The following TENT5D variants were observed in gnomAD, a reference collection of about 807,000 sequenced individuals.
TENT5D encodes terminal nucleotidyltransferase 5D.
For synonymous variants in TENT5D, 103 were observed against 100.6 expected (o/e 1.02, Z -0.15); for missense variants, 191 against 287.0 (o/e 0.67, Z 2.42).
At chrX:80,360,960 T>C (rs1481900209) in intron 3 of TENT5D, among the ~76,000 whole-genome samples, 1 of 111,762 alleles carries the variant, frequency 8.9e-6, no homozygotes, top group Non-Finnish European at 1.9e-5. Flanking sequence ...AGAAGCAAAT[T>C]GAGGTTCATA....
At chrX:80,399,325 A>G (rs1297954617) in intron 3 of TENT5D, among the ~76,000 whole-genome samples, 1 of 112,125 alleles carries the variant, frequency 8.9e-6, no homozygotes, top group East Asian at 2.8e-4. Flanking sequence ...ATTCTTTTGC[A>G]TGTGGATATT....
intron 3 of TENT5D, among the ~76,000 whole-genome samples, chrX:80,357,538 T>G (rs1210473551): frequency 2.7e-5 from 3 of 111,319 alleles, no homozygotes; most frequent in Non-Finnish European, 5.7e-5. Context: ...TTTCATGTGT[T>G]TTTTGGCCGC....
At chrX:80,430,145 A>T (rs1932060480) in intron 1 of TENT5D, among the ~76,000 whole-genome samples, 1 of 111,686 alleles carries the variant, frequency 9.0e-6, no homozygotes, top group Non-Finnish European at 1.9e-5. Context: ...GAGTAAAAAA[A>T]CATTTCCCCA....
At chrX:80,365,446 T>A (rs1930488014) in intron 3 of TENT5D, among the ~76,000 whole-genome samples, 1 of 111,496 alleles carries the variant, frequency 9.0e-6, no homozygotes, top group Admixed American at 9.6e-5. Context: ...TTTCATGGCT[T>A]GGTGTTTACT....
At chrX:80,416,992 G>A (rs187001037), upstream of TENT5D, among the ~76,000 whole-genome samples, 62 of 111,432 alleles carry the variant, frequency 5.6e-4, no homozygotes, top group Non-Finnish European at 1.1e-3. Flanking sequence ...CCTGTGTTGG[G>A]TGCATATATC....
At chrX:80,393,106 C>T (rs1931168466) in intron 3 of TENT5D, among the ~76,000 whole-genome samples, 1 of 109,360 alleles carries the variant, frequency 9.1e-6, no homozygotes, top group Non-Finnish European at 1.9e-5. Context: ...TATTTGACAA[C>T]CAACTTGTTG....
chrX:80,436,446 G>T (rs1932183419), intron 1 of TENT5D, among the ~76,000 whole-genome samples: 1 of 110,074 alleles, frequency 9.1e-6, no homozygotes, highest in African/African-American at 3.3e-5. Flanking sequence ...GGACGTGCAG[G>T]TTTGTTACAT....
chrX:80,338,065 C>T (rs1248302050), intron 2 of TENT5D, among the ~76,000 whole-genome samples: 1 of 112,322 alleles, frequency 8.9e-6, no homozygotes, highest in Non-Finnish European at 1.9e-5. Context: ...TCCTCTTTCA[C>T]TGTAGGCACA....
intron 3 of TENT5D, among the ~76,000 whole-genome samples, chrX:80,407,090 C>A (rs1452042890): frequency 2.2e-4 from 24 of 108,919 alleles, no homozygotes. Context: ...TAAAAGAGCT[C>A]TTGAAGGAAG....
intron 1 of TENT5D, among the ~76,000 whole-genome samples, chrX:80,437,633 A>G (rs2147570113): frequency 9.0e-6 from 1 of 111,385 alleles, no homozygotes; most frequent in South Asian, 3.8e-4. Flanking sequence ...TAAAGGGATA[A>G]TGGTTGATTA....
chrX:80,392,512 T>A (rs1931153119), intron 3 of TENT5D, among the ~76,000 whole-genome samples: 1 of 63,684 alleles, frequency 1.6e-5, no homozygotes. Flanking sequence ...TTTTTTTTTT[T>A]TTTTTTTTTT....
chrX:80,442,998 T>C, exon 3 of TENT5D: 2 of 1,211,276 alleles, frequency 1.7e-6, no homozygotes, highest in Non-Finnish European at 2.2e-6. Context: ...CAAATAACAC[T>C]GGGAAGAATT....
At chrX:80,373,027 A>G (rs1480014250) in intron 3 of TENT5D, among the ~76,000 whole-genome samples, 1 of 109,800 alleles carries the variant, frequency 9.1e-6, no homozygotes, top group Non-Finnish European at 1.9e-5. Context: ...TAATCAATAC[A>G]ATTTGTCTGC....
chrX:80,407,667 C>A (rs1931532848), intron 3 of TENT5D, among the ~76,000 whole-genome samples: 1 of 107,998 alleles, frequency 9.3e-6, no homozygotes, highest in Non-Finnish European at 1.9e-5. Context: ...CTTTAACACC[C>A]CACTGTCAAC....
chrX:80,377,141 G>A (rs958912334), intron 3 of TENT5D, among the ~76,000 whole-genome samples: 2 of 111,683 alleles, frequency 1.8e-5, no homozygotes, highest in Admixed American at 1.9e-4. Context: ...AATTGGCAAT[G>A]ATTTTAATTC....
chrX:80,375,643 C>T lies in TENT5D; in HGVS notation c.-142+33079C>T, dbSNP rs866578261. Reference sequence around the variant, plus strand: ...TTATTTTCTACCTCCTTTGTGTACTCATTTCTGGACAAGAAACTTCTCCAT... The same window carrying T: ...TTATTTTCTACCTCCTTTGTGTACTTATTTCTGGACAAGAAACTTCTCCAT... On this transcript the variant is annotated intron_variant, in intron 3 of 4. Coordinates refer to the TENT5D transcript ENST00000538312. Among the ~76,000 whole-genome samples, 7 of 111,364 alleles carry T rather than the reference C, an allele frequency of 6.3e-5. 1 individual carries two copies. The highest frequency in any genetic ancestry group is 9.4e-5 in the Non-Finnish European group (5 of 52,922).
intron 1 of TENT5D, among the ~76,000 whole-genome samples, chrX:80,424,210 T>G (rs759288064): frequency 1.8e-5 from 2 of 111,677 alleles, no homozygotes; most frequent in South Asian, 7.4e-4. Context: ...TCCTTTTGCA[T>G]TACCATTTGT....
Position 80,388,153 on chromosome X carries a change from A to G in TENT5D, c.-142+45589A>G, listed in dbSNP as rs1033047615. On this transcript the variant is annotated intron_variant, in intron 3 of 4. Transcript: ENST00000538312. ...AGTGAGCTACCCTCTGGCCCAGGGAAGGTCCATAAATGCTGTCCAAGCGCC... is the reference window on the plus strand; with the variant it reads ...AGTGAGCTACCCTCTGGCCCAGGGAGGGTCCATAAATGCTGTCCAAGCGCC... Among the ~76,000 whole-genome samples the G allele has an allele frequency of 2.7e-5, 3 of 110,675 alleles. 1 individual carries two copies. The highest frequency in any genetic ancestry group is 5.7e-5 in the Non-Finnish European group (3 of 52,895).
chrX:80,433,853 G>A (rs1270903366), intron 1 of TENT5D, among the ~76,000 whole-genome samples: 1 of 111,460 alleles, frequency 9.0e-6, no homozygotes, highest in Non-Finnish European at 1.9e-5. Flanking sequence ...GGGAAATGGA[G>A]GCCAGGCATG....
Sources: gnomAD v4.1 joint callset for allele counts (sites outside exome capture counted in the v4.1 genomes callset) on GRCh38, gnomAD v4.1.1 for gene constraint, MANE v1.5 for transcripts, NCBI Gene and HGNC (gene_info 2026-07-23, HGNC 2026-07-21) for gene names.